Variants in ANKHD1 observed in about 807,000 individuals in gnomAD.
ANKHD1 encodes the protein ankyrin repeat and KH domain containing 1, also known as ankyrin repeat and KH domain-containing protein 1.
In ANKHD1, 31 loss-of-function variants were observed where a neutral mutation model predicts 230.5. The observed-to-expected ratio is 0.13, with a 90% CI of 0.10 to 0.18. The LOEUF is 0.18. Among genes scored for constraint, ANKHD1 ranks in the 10% least tolerant of loss-of-function variants. ANKHD1 has a pLI of 1.00. For missense variants in ANKHD1, 2,256 were observed against 3,071.3 expected, an observed-to-expected ratio of 0.73 and a Z score of 6.27; for synonymous variants, 1,074 against 1,117.6, an observed-to-expected ratio of 0.96 and a Z score of 0.78.
intron 1 of ANKHD1, among the ~76,000 whole-genome samples, chr5:140,405,381 G>T (rs1184067220): frequency 6.6e-6 from 1 of 152,096 alleles, no homozygotes; most frequent in Non-Finnish European, 1.5e-5. Flanking sequence ...AATTCTTGGA[G>T]TATCTAGTCT....
intron 7 of ANKHD1, among the ~76,000 whole-genome samples, chr5:140,455,420 A>G (rs959354125): frequency 1.3e-5 from 2 of 152,210 alleles, no homozygotes; most frequent in African/African-American, 4.8e-5. Flanking sequence ...AAAAAAGAGA[A>G]TTTTAGACCA....
At chr5:140,442,047 T>C (rs1773894933) in intron 5 of ANKHD1, among the ~76,000 whole-genome samples, 1 of 141,734 alleles carries the variant, frequency 7.1e-6, no homozygotes, top group African/African-American at 2.6e-5. Flanking sequence ...TTTTTTTTTT[T>C]TTTTTTTTTT....
chr5:140,424,792 T>C (rs1231541203), intron 1 of ANKHD1, among the ~76,000 whole-genome samples: 7 of 152,216 alleles, frequency 4.6e-5, no homozygotes, highest in Admixed American at 4.6e-4. Context: ...CTGGTTAGTA[T>C]TTGTTTTAGT....
At chr5:140,490,547 A>G (rs1581330655) in intron 14 of ANKHD1, among the ~76,000 whole-genome samples, 1 of 152,186 alleles carries the variant, frequency 6.6e-6, no homozygotes, top group Non-Finnish European at 1.5e-5. Flanking sequence ...TGAAACTCAG[A>G]GTGACATGCT....
intron 1 of ANKHD1, among the ~76,000 whole-genome samples, chr5:140,428,391 C>T (rs1433824880): frequency 1.9e-4 from 29 of 152,174 alleles, no homozygotes; most frequent in Admixed American, 3.3e-4. Context: ...CCCGGCACCT[C>T]GGGAGGCCGA....
chr5:140,479,209 G>A (rs1341473261), intron 10 of ANKHD1, among the ~76,000 whole-genome samples: 1 of 151,060 alleles, frequency 6.6e-6, no homozygotes, highest in Non-Finnish European at 1.5e-5. Context: ...ATGTTAGCTT[G>A]GATGGTCTCA....
chr5:140,437,015 G>A (rs895033470), intron 2 of ANKHD1, among the ~76,000 whole-genome samples: 66 of 151,966 alleles, frequency 4.3e-4, no homozygotes, highest in Non-Finnish European at 6.5e-4. Flanking sequence ...AAACCTTCCC[G>A]TTTTCTGTCA....
intron 23 of ANKHD1, 36 bp from the exon 24 acceptor site, chr5:140,513,327 C>A: frequency 6.4e-7 from 1 of 1,561,144 alleles, no homozygotes; most frequent in Non-Finnish European, 8.7e-7. Context: ...TGGCCTCTTT[C>A]ATTATATATT....
chr5:140,482,548 T>C (rs1427734879), intron 10 of ANKHD1, 32 bp from the exon 11 acceptor site: 3 of 1,604,958 alleles, frequency 1.9e-6, no homozygotes, highest in South Asian at 1.1e-5. Context: ...ACTGTTGGCA[T>C]TGATGGATTA....
At chr5:140,503,553 CTTTTTTTTTTTTTTTT>C (rs70988767) in intron 15 of ANKHD1, among the ~76,000 whole-genome samples, 56 of 51,422 alleles carry the variant, frequency 1.1e-3, no homozygotes, top group Middle Eastern at 0.026. Flanking sequence ...AGTTTTCTTT[CTTTTTTTTTTTTTTTT>C]TTTTTTTTTT....
intron 14 of ANKHD1, among the ~76,000 whole-genome samples, chr5:140,491,922 G>A (rs1751826419): frequency 6.6e-6 from 1 of 152,162 alleles, no homozygotes; most frequent in Non-Finnish European, 1.5e-5. Context: ...AAATTCTTAA[G>A]CATTTTTAAG....
intron 22 of ANKHD1, among the ~76,000 whole-genome samples, chr5:140,511,297 T>A (rs540194957): frequency 2.0e-4 from 31 of 152,340 alleles, no homozygotes; most frequent in African/African-American, 7.2e-4. Context: ...TTTATGCTAC[T>A]ATCCCCTTTT....
chr5:140,523,118 T>C (rs1162050440), intron 24 of ANKHD1, among the ~76,000 whole-genome samples: 1 of 148,820 alleles, frequency 6.7e-6, no homozygotes, highest in Non-Finnish European at 1.5e-5. Context: ...CTTTTTTTTT[T>C]TTTTTTTTTT....
rs764155936 is a variant in ANKHD1 at position 140,507,225 on chromosome 5, A to G, written c.3551+248A>G. Among the ~76,000 whole-genome samples, 3 of 152,212 alleles carry G rather than the reference A, an allele frequency of 2.0e-5. No homozygotes were observed. Among genetic ancestry groups the G allele is most frequent in the East Asian group, 3.8e-4 (2 of 5,206 alleles). On this transcript the variant is annotated intron_variant, in intron 19 of 33. Coordinates refer to ENST00000360839, the MANE Select transcript of ANKHD1 (RefSeq NM_017747.3). The surrounding 1 kb of genome is among the most constrained non-coding windows in gnomAD (Gnocchi z 4.1). Reference sequence around the variant, plus strand: ...TGGCCTACCACCCTAAACGTGCCCAATCTCATCTGATCTCAGAAACGGTAT... The same window carrying G: ...TGGCCTACCACCCTAAACGTGCCCAGTCTCATCTGATCTCAGAAACGGTAT...
intron 25 of ANKHD1, among the ~76,000 whole-genome samples, chr5:140,524,684 T>A (rs2127082888): frequency 6.6e-6 from 1 of 152,324 alleles, no homozygotes; most frequent in South Asian, 2.1e-4. Context: ...TTGTACTGTC[T>A]GGCAGTGCTT....
At chr5:140,426,528 A>T (rs141814402) in intron 1 of ANKHD1, among the ~76,000 whole-genome samples, 4,306 of 150,948 alleles carry the variant, frequency 0.029, 214 homozygotes, top group African/African-American at 0.1. Flanking sequence ...TTATTTATTT[A>T]TTTTTTTATT....
chr5:140,489,895 G>A (rs1210154251), intron 14 of ANKHD1, among the ~76,000 whole-genome samples: 1 of 152,120 alleles, frequency 6.6e-6, no homozygotes, highest in African/African-American at 2.4e-5. Context: ...AGTGCATTGT[G>A]TTAAAATGTC....
At chr5:140,446,236 G>A (rs1176195143) in intron 6 of ANKHD1, among the ~76,000 whole-genome samples, 1 of 151,874 alleles carries the variant, frequency 6.6e-6, no homozygotes, top group South Asian at 2.1e-4. Context: ...GATTTAGAGG[G>A]TTTCCATTAT....
chr5:140,480,360 G>T (rs2127011144), intron 10 of ANKHD1, among the ~76,000 whole-genome samples: 1 of 152,022 alleles, frequency 6.6e-6, no homozygotes, highest in East Asian at 1.9e-4. Context: ...AACAACTATG[G>T]TAATATTTTA....
Sources: gnomAD v4.1 joint callset for allele counts (sites outside exome capture counted in the v4.1 genomes callset) on GRCh38, gnomAD v4.1.1 for gene constraint, Gnocchi (gnomAD v3.1) non-coding constraint, MANE v1.5 for transcripts, NCBI Gene and HGNC (gene_info 2026-07-23, HGNC 2026-07-21) for gene names.